The following DHRS13 variants were observed in gnomAD, a reference collection of about 807,000 sequenced individuals.
DHRS13 encodes the protein dehydrogenase/reductase SDR family member 13.
Under a neutral mutation model 17.9 loss-of-function variants are expected in DHRS13, and 22 were observed. The ratio of observed to expected loss-of-function variants is 1.23; its 90% CI spans 0.88 to 1.75. DHRS13 has a LOEUF of 1.75. DHRS13 is among the 40% of genes most tolerant of loss of function. DHRS13 has a pLI of 0.00. For missense variants in DHRS13, 483 were observed against 519.9 expected, an observed-to-expected ratio of 0.93 and a Z score of 0.69; for synonymous variants, 206 against 220.4, an observed-to-expected ratio of 0.93 and a Z score of 0.58.
Position 28,898,289 on chromosome 17 carries a change from G to A in DHRS13, c.*152C>T, listed in dbSNP as rs1370776071. On this transcript the variant is annotated 3_prime_UTR_variant, in exon 5 of 5. Coordinates refer to ENST00000378895, the MANE Select transcript of DHRS13 (RefSeq NM_144683.4). ...TAATCACCCATTATTCCTTCAACCA[G>A]GAAAAGAGATGTCCAGGGCACAGCT... The A allele has an allele frequency of 1.6e-5, 12 of 744,412 alleles. No individual in the cohort carries two copies. The highest frequency in any genetic ancestry group is 2.8e-5 in the East Asian group (1 of 36,044). The allele number at this position is 744,412 out of a possible 1,614,324, so 46.1% of individuals were successfully genotyped here. A position where few individuals can be genotyped will look rare whatever the true frequency, so the allele number is the denominator to read the frequency against.
intron 4 of DHRS13, among the ~76,000 whole-genome samples, chr17:28,900,463 C>A (rs2039796799): frequency 2.0e-5 from 3 of 152,200 alleles, no homozygotes; most frequent in Non-Finnish European, 1.5e-5. Context: ...TATTCCCGTT[C>A]CATTTGCCCC....
Position 28,902,791 on chromosome 17 carries a change from C to T in DHRS13, c.127+27G>A. 1 of 1,499,926 alleles carries T rather than the reference C, an allele frequency of 6.7e-7. No individual in the cohort carries two copies. The highest frequency in any genetic ancestry group is 8.8e-7 in the Non-Finnish European group (1 of 1,132,266). The allele number at this position is 1,499,926 out of a possible 1,614,324, so 92.9% of individuals were successfully genotyped here. A position where few individuals can be genotyped will look rare whatever the true frequency, so the allele number is the denominator to read the frequency against. ...GCCTCCTCTCCGCGCGCCCCGCCAG[C>T]TCGCACTCACCCGCCTCCGCACTCA... On this transcript the variant is annotated intron_variant, in intron 1 of 4. Coordinates refer to ENST00000378895, the MANE Select transcript of DHRS13 (RefSeq NM_144683.4). This position sits in a 1 kb window ranked among gnomAD's most constrained non-coding sequence, Gnocchi z 4.0.
Position 28,898,327 on chromosome 17 carries a change from A to T in DHRS13, c.*114T>A. 1.6e-6 allele frequency: 2 copies of T among 1,279,480 alleles called. No individual in the cohort carries two copies. Among genetic ancestry groups the T allele is most frequent in the Non-Finnish European group, 1.1e-6 (1 of 933,124 alleles). The allele number at this position is 1,279,480 out of a possible 1,614,324, so 79.3% of individuals were successfully genotyped here. A position where few individuals can be genotyped will look rare whatever the true frequency, so the allele number is the denominator to read the frequency against. ...CCAGGGCACAGCTTGGGGCCCCAGA[A>T]AGTAACCACGGAGGTCAAGATCACA... On this transcript the variant is annotated 3_prime_UTR_variant, in exon 5 of 5. Transcript: ENST00000378895.
chr17:28,899,008 A>G lies in DHRS13; in HGVS notation c.683-116T>C. On this transcript the variant is annotated intron_variant, in intron 4 of 4. Transcript: ENST00000378895. The surrounding 1 kb of genome is among the most constrained non-coding windows in gnomAD (Gnocchi z 4.7). ...CTTGAGCCCAGGAGTTTGAGACCAG[A>G]CTGGGCAACATAGTCAAGCTCTGTC... 1.1e-6 allele frequency: 1 copy of G among 918,902 alleles called. No homozygotes were observed. The highest frequency in any genetic ancestry group is 1.6e-6 in the Non-Finnish European group (1 of 630,548). 56.9% of individuals were successfully genotyped at this position (918,902 alleles called of 1,614,324 possible).
rs919039196 is a variant in DHRS13 at position 28,902,615 on chromosome 17, G to T, written c.214C>A (p.Arg72Ser). 3.3e-5 allele frequency: 48 copies of T among 1,475,116 alleles called. No homozygotes were observed. Among genetic ancestry groups the T allele is most frequent in the Non-Finnish European group, 4.2e-5 (47 of 1,121,568 alleles). 91.4% of individuals were successfully genotyped at this position (1,475,116 alleles called of 1,614,324 possible). ...RVVLACRSQERGEAAAFDLRQ... is the reference protein window; with the variant it reads ...RVVLACRSQESGEAAAFDLRQ... ...AGGTCGAAGGCAGCCGCCTCCCCGCGCTCCTGGCTGCGGCAGGCCAGCACC... is the reference window on the plus strand; with the variant it reads ...AGGTCGAAGGCAGCCGCCTCCCCGCTCTCCTGGCTGCGGCAGGCCAGCACC... The change falls in exon 2 of 5, where the codon CGC becomes AGC. Residue 72 changes from arginine (R) to serine (S), a missense_variant. Transcript: ENST00000378895. This position sits in a 1 kb window ranked among gnomAD's most constrained non-coding sequence, Gnocchi z 4.0.
chr17:28,902,858 G>C lies in DHRS13; in HGVS notation c.87C>G (p.Gly29=). Residue 29 remains glycine, a synonymous_variant, in exon 1 of 5, where the codon GGC becomes GGG. Coordinates refer to ENST00000378895, the MANE Select transcript of DHRS13 (RefSeq NM_144683.4). The surrounding 1 kb of genome is among the most constrained non-coding windows in gnomAD (Gnocchi z 4.0). ...TGCGGCCCCGCAGGTTGCCCATGCC[G>C]CCGCACGGCGGGGCCTTCACCAGGT... ...YYNLVKAPPC[G]GMGNLRGRTA... 1 of 1,550,270 alleles carries C rather than the reference G, an allele frequency of 6.5e-7. No individual in the cohort carries two copies. The highest frequency in any genetic ancestry group is 8.6e-7 in the Non-Finnish European group (1 of 1,156,586).
rs1169848494 is a variant in DHRS13 at position 28,901,516 on chromosome 17, A to G, written c.347T>C (p.Leu116Ser). 1.9e-6 allele frequency: 3 copies of G among 1,613,992 alleles called. No homozygotes were observed. The African/African-American group carries it at 4.0e-5, about 22-fold the overall frequency. The stretch of plus-strand genomic sequence containing the variant: ...ACCGGCATTGTGGATGAGGATGTCC[A>G]ACCGTGGCTCAGAGCTCAGAAAGGC... The part of the protein sequence containing the change: ...ATAFLSSEPR[L>S]DILIHNAGIS... The change falls in exon 3 of 5, where the codon TTG (leucine) becomes TCG (serine). Residue 116 changes from leucine to serine, a missense_variant. Transcript: ENST00000378895. This position sits in a 1 kb window ranked among gnomAD's most constrained non-coding sequence, Gnocchi z 4.3.
Position 28,903,017 on chromosome 17 carries a change from C to A in DHRS13, c.-73G>T. ...TCGCCGCCAGGCGGCTGCCGATCCGCCCTGCACAGGCCTGGAACGGCGCCC... is the reference window on the plus strand; with the variant it reads ...TCGCCGCCAGGCGGCTGCCGATCCGACCTGCACAGGCCTGGAACGGCGCCC... On this transcript the variant is annotated 5_prime_UTR_variant, in exon 1 of 5. Coordinates refer to ENST00000378895, the MANE Select transcript of DHRS13 (RefSeq NM_144683.4). This position sits in a 1 kb window ranked among gnomAD's most constrained non-coding sequence, Gnocchi z 4.8. The A allele has an allele frequency of 7.7e-7, 1 of 1,297,326 alleles. No homozygotes were observed. Among genetic ancestry groups the A allele is most frequent in the Non-Finnish European group, 9.8e-7 (1 of 1,020,612 alleles). 80.4% of individuals were successfully genotyped at this position (1,297,326 alleles called of 1,614,324 possible). A position where few individuals can be genotyped will look rare whatever the true frequency, so the allele number is the denominator to read the frequency against.
chr17:28,901,639 C>G lies in DHRS13; in HGVS notation c.247-23G>C, dbSNP rs369503366. The G allele has an allele frequency of 6.2e-7, 1 of 1,612,568 alleles. No homozygotes were observed. Among genetic ancestry groups the G allele is most frequent in the African/African-American group, 1.3e-5 (1 of 75,020 alleles). ...CTCCTGTGGAGAGGCAAGGGCTGGG[C>G]TTGTCACCAGGCATCTCTCTCCTCT... On this transcript the variant is annotated intron_variant, in intron 2 of 4. Transcript: ENST00000378895. The surrounding 1 kb of genome is among the most constrained non-coding windows in gnomAD (Gnocchi z 4.3).
chr17:28,901,860 A>C lies in DHRS13; in HGVS notation c.247-244T>G. ...TCACTGCGTAAAGGGAATAATAATA[A>C]CAACAGTCCCAATCTCACTGAGCTT... is the stretch of plus-strand genomic sequence containing the variant. On this transcript the variant is annotated intron_variant, in intron 2 of 4. Coordinates refer to ENST00000378895, the MANE Select transcript of DHRS13 (RefSeq NM_144683.4). The surrounding 1 kb of genome is among the most constrained non-coding windows in gnomAD (Gnocchi z 4.3). The C allele has an allele frequency of 3.7e-6, 2 of 536,464 alleles. No homozygotes were observed. The highest frequency in any genetic ancestry group is 2.5e-5 in the South Asian group (1 of 40,510). 33.2% of individuals were successfully genotyped at this position (536,464 alleles called of 1,614,324 possible). A position where few individuals can be genotyped will look rare whatever the true frequency, so the allele number is the denominator to read the frequency against.
chr17:28,902,773 C>G lies in DHRS13; in HGVS notation c.127+45G>C. On this transcript the variant is annotated intron_variant, in intron 1 of 4. Coordinates refer to ENST00000378895, the MANE Select transcript of DHRS13 (RefSeq NM_144683.4). The surrounding 1 kb of genome is among the most constrained non-coding windows in gnomAD (Gnocchi z 4.0). ...GCTGCTACCGCCGGCCCGGCCTCCTCTCCGCGCGCCCCGCCAGCTCGCACT... is the reference window on the plus strand; with the variant it reads ...GCTGCTACCGCCGGCCCGGCCTCCTGTCCGCGCGCCCCGCCAGCTCGCACT... 1 of 1,448,792 alleles carries G rather than the reference C, an allele frequency of 6.9e-7. No individual in the cohort carries two copies. Among genetic ancestry groups the G allele is most frequent in the Non-Finnish European group, 9.0e-7 (1 of 1,106,886 alleles). The allele number at this position is 1,448,792 out of a possible 1,614,324, so 89.7% of individuals were successfully genotyped here. A position where few individuals can be genotyped will look rare whatever the true frequency, so the allele number is the denominator to read the frequency against.
Position 28,898,814 on chromosome 17 carries a change from A to G in DHRS13, c.761T>C (p.Val254Ala). ...GGCACCCCCTCTTGGTGCCCGGAGCACCAGCCAAGCCAATGGGCGCAAAAG... is the reference window on the plus strand; with the variant it reads ...GGCACCCCCTCTTGGTGCCCGGAGCGCCAGCCAAGCCAATGGGCGCAAAAG... ...RPLLRPLAWL[V>A]LRAPRGGAQT... The change falls in exon 5 of 5, where the codon GTG (valine) becomes GCG (alanine). Residue 254 changes from valine (V) to alanine (A), a missense_variant. Val to Ala is a moderately conservative substitution (Grantham distance 64). Coordinates refer to ENST00000378895, the MANE Select transcript of DHRS13 (RefSeq NM_144683.4). 1 of 1,605,936 alleles carries G rather than the reference A, an allele frequency of 6.2e-7. No individual in the cohort carries two copies. Among genetic ancestry groups the G allele is most frequent in the Non-Finnish European group, 8.5e-7 (1 of 1,176,962 alleles).
Position 28,901,637 on chromosome 17 carries a change from G to A in DHRS13, c.247-21C>T. ...CTCTCCTGTGGAGAGGCAAGGGCTG[G>A]GCTTGTCACCAGGCATCTCTCTCCT... On this transcript the variant is annotated intron_variant, in intron 2 of 4. Coordinates refer to ENST00000378895, the MANE Select transcript of DHRS13 (RefSeq NM_144683.4). The surrounding 1 kb of genome is among the most constrained non-coding windows in gnomAD (Gnocchi z 4.3). The A allele has an allele frequency of 3.7e-6, 6 of 1,612,544 alleles. No homozygotes were observed. Among genetic ancestry groups the A allele is most frequent in the Non-Finnish European group, 5.1e-6 (6 of 1,178,732 alleles).
Position 28,898,430 on chromosome 17 carries a change from T to G in DHRS13, c.*11A>C. 6.5e-7 allele frequency: 1 copy of G among 1,549,398 alleles called. No individual in the cohort carries two copies. The highest frequency in any genetic ancestry group is 8.7e-7 in the Non-Finnish European group (1 of 1,146,590). On this transcript the variant is annotated 3_prime_UTR_variant, in exon 5 of 5. Transcript: ENST00000378895. ...CCATGAAGTGCCATGGCAAGCATCC[T>G]GGCCTGAGGGTTAGGAGAGCTGGAT...
At chr17:28,900,852 T>A in intron 4 of DHRS13, 138 bp downstream of exon 4, 1 of 988,874 alleles carries the variant, frequency 1.0e-6, no homozygotes, top group Non-Finnish European at 1.5e-6. Context: ...GGTCTCTCCT[T>A]GGACTATGCT....
At position 28,901,533 on chromosome 17, in the gene DHRS13, CAGAA is replaced by C; in HGVS notation, c.326_329del (p.Phe109Ter). The C allele has an allele frequency of 6.2e-7, 1 of 1,614,202 alleles. No individual in the cohort carries two copies. The highest frequency in any genetic ancestry group is 1.3e-5 in the African/African-American group (1 of 75,062). On this transcript the variant is annotated frameshift_variant, in exon 3 of 5. Coordinates refer to ENST00000378895, the MANE Select transcript of DHRS13 (RefSeq NM_144683.4). LOFTEE classifies it high-confidence loss of function. The surrounding 1 kb of genome is among the most constrained non-coding windows in gnomAD (Gnocchi z 4.3). ...GGATGTCCAACCGTGGCTCAGAGCT[CAGAA>C]AGGCAGTGGCAAAGGCCCGCACCGA...
rs563774361 is a variant in DHRS13 at position 28,902,781 on chromosome 17, G to A, written c.127+37C>T. 2.0e-6 allele frequency: 3 copies of A among 1,467,610 alleles called. No individual in the cohort carries two copies. The highest frequency in any genetic ancestry group is 2.4e-5 in the Admixed American group (1 of 40,974). 90.9% of individuals were successfully genotyped at this position (1,467,610 alleles called of 1,614,324 possible). On this transcript the variant is annotated intron_variant, in intron 1 of 4. Transcript: ENST00000378895. The surrounding 1 kb of genome is among the most constrained non-coding windows in gnomAD (Gnocchi z 4.0). ...CGCCGGCCCGGCCTCCTCTCCGCGC[G>A]CCCCGCCAGCTCGCACTCACCCGCC...
Position 28,898,360 on chromosome 17 carries a change from C to A in DHRS13, c.*81G>T, listed in dbSNP as rs2039776944. 2.7e-6 allele frequency: 4 copies of A among 1,464,778 alleles called. No homozygotes were observed. The Admixed American group carries it at 1.0e-4, about 38-fold the overall frequency. 90.7% of individuals were successfully genotyped at this position (1,464,778 alleles called of 1,614,324 possible). A position where few individuals can be genotyped will look rare whatever the true frequency, so the allele number is the denominator to read the frequency against. On this transcript the variant is annotated 3_prime_UTR_variant, in exon 5 of 5. Coordinates refer to ENST00000378895, the MANE Select transcript of DHRS13 (RefSeq NM_144683.4). Reference sequence around the variant, plus strand: ...ACGGAGGTCAAGATCACAAACCCGTCAGTGTCCAGGGCATGGCCTCGCACA... The same window carrying A: ...ACGGAGGTCAAGATCACAAACCCGTAAGTGTCCAGGGCATGGCCTCGCACA...
Position 28,901,821 on chromosome 17 carries a change from G to A in DHRS13, c.247-205C>T, listed in dbSNP as rs928815070. 1.4e-6 allele frequency: 1 copy of A among 729,892 alleles called. No individual in the cohort carries two copies. The highest frequency in any genetic ancestry group is 2.1e-6 in the Non-Finnish European group (1 of 465,600). The allele number at this position is 729,892 out of a possible 1,614,324, so 45.2% of individuals were successfully genotyped here. On this transcript the variant is annotated intron_variant, in intron 2 of 4. Coordinates refer to ENST00000378895, the MANE Select transcript of DHRS13 (RefSeq NM_144683.4). This position sits in a 1 kb window ranked among gnomAD's most constrained non-coding sequence, Gnocchi z 4.3. The stretch of plus-strand genomic sequence containing the variant: ...CTTGGGCAAGATACTTAATCTCTCT[G>A]GGTCTCAGTTCTCTCACTGCGTAAA...
Sources: allele counts gnomAD v4.1 joint callset (sites outside exome capture counted in the v4.1 genomes callset), GRCh38; gene constraint gnomAD v4.1.1; non-coding constraint Gnocchi (gnomAD v3.1); transcripts MANE v1.5; gene names NCBI Gene and HGNC (gene_info 2026-07-23, HGNC 2026-07-21).